Variants in PIP4K2A observed in about 807,000 individuals in gnomAD.
The protein encoded by PIP4K2A is phosphatidylinositol 5-phosphate 4-kinase type-2 alpha.
Under a neutral mutation model 42.9 loss-of-function variants are expected in PIP4K2A, and 14 were observed. The ratio of observed to expected loss-of-function variants is 0.33; its 90% CI spans 0.22 to 0.51. PIP4K2A has a LOEUF of 0.51. PIP4K2A is among the 20% of genes least tolerant of loss of function. The pLI is 0.97. For missense variants in PIP4K2A, 434 were observed against 519.8 expected, an observed-to-expected ratio of 0.83 and a Z score of 1.61; for synonymous variants, 192 against 192.2, an observed-to-expected ratio of 1.00 and a Z score of 0.01.
At chr10:22,589,944 G>A (rs1374744310) in intron 4 of PIP4K2A, among the ~76,000 whole-genome samples, 1 of 152,172 alleles carries the variant, frequency 6.6e-6, no homozygotes, top group African/African-American at 2.4e-5. Context: ...TGCTTACGTT[G>A]AAACCCTAAT....
At chr10:22,619,261 T>A (rs1459756112) in intron 1 of PIP4K2A, among the ~76,000 whole-genome samples, 1 of 151,942 alleles carries the variant, frequency 6.6e-6, no homozygotes, top group Non-Finnish European at 1.5e-5. Context: ...GCAAACCAAA[T>A]AGCAATTTGA....
chr10:22,635,828 G>C (rs1449725160), intron 1 of PIP4K2A, among the ~76,000 whole-genome samples: 1 of 152,146 alleles, frequency 6.6e-6, no homozygotes, highest in African/African-American at 2.4e-5. Flanking sequence ...TGCTTAAGAG[G>C]TTTCACGCCC....
chr10:22,654,835 T>A (rs1016389591), intron 1 of PIP4K2A, among the ~76,000 whole-genome samples: 1 of 152,212 alleles, frequency 6.6e-6, no homozygotes. Flanking sequence ...CTTTGAAACC[T>A]ATGAAAGGTT....
rs374123977 is a variant in PIP4K2A at position 22,703,563 on chromosome 10, T to G, written c.144+10620A>C. On this transcript the variant is annotated intron_variant, in intron 1 of 9. Coordinates refer to ENST00000376573, the MANE Select transcript of PIP4K2A (RefSeq NM_005028.5). ...GAATCATGAAGAGGGTGTTATGGGA[T>G]GAGGGCAAGGAGGAAAGTGGGGCCC... Among the ~76,000 whole-genome samples the G allele has an allele frequency of 1.2e-4, 19 of 152,210 alleles. 1 individual carries two copies. The highest frequency in any genetic ancestry group is 4.6e-4 in the African/African-American group (19 of 41,532).
chr10:22,615,377 T>C (rs1228893906), intron 1 of PIP4K2A, among the ~76,000 whole-genome samples: 1 of 152,208 alleles, frequency 6.6e-6, no homozygotes, highest in African/African-American at 2.4e-5. Flanking sequence ...GCATGAACCA[T>C]CCCACCTGTC....
chr10:22,615,060 A>C (rs964032702), intron 1 of PIP4K2A, among the ~76,000 whole-genome samples: 1 of 152,224 alleles, frequency 6.6e-6, no homozygotes, highest in African/African-American at 2.4e-5. Context: ...ATTCTATATG[A>C]TCTACCCTAA....
intron 9 of PIP4K2A, among the ~76,000 whole-genome samples, chr10:22,538,144 A>AACTT (rs1205194369): frequency 6.6e-6 from 1 of 152,146 alleles, no homozygotes; most frequent in Non-Finnish European, 1.5e-5. Context: ...TTCACCGGGG[A>AACTT]ACTTGTAATA....
chr10:22,566,219 G>A lies in PIP4K2A; in HGVS notation c.678+1632C>T, dbSNP rs181095313. 5.1e-3 allele frequency among the ~76,000 whole-genome samples: 779 copies of A among 152,120 alleles called. 9 individuals carry two copies. The highest frequency in any genetic ancestry group is 0.017 in the African/African-American group (704 of 41,470). On this transcript the variant is annotated intron_variant, in intron 6 of 9. Coordinates refer to ENST00000376573, the MANE Select transcript of PIP4K2A (RefSeq NM_005028.5). ...TGGGGCCATCACAGATCCTACCAAC[G>A]TGTGATGTCTCCCCTGGACGCCCAG...
intron 1 of PIP4K2A, among the ~76,000 whole-genome samples, chr10:22,656,188 T>C (rs558698227): frequency 6.6e-6 from 1 of 152,360 alleles, no homozygotes; most frequent in East Asian, 1.9e-4. Context: ...CTGACTCCCG[T>C]GTGAGGGACA....
intron 8 of PIP4K2A, 152 bp downstream of exon 8, chr10:22,541,652 A>C: frequency 2.3e-6 from 2 of 873,196 alleles, no homozygotes; most frequent in Non-Finnish European, 3.4e-6. Context: ...TAGCTTTAAC[A>C]TACTCTTGTC....
chr10:22,625,372 C>T (rs1329967831), intron 1 of PIP4K2A, among the ~76,000 whole-genome samples: 1 of 152,160 alleles, frequency 6.6e-6, no homozygotes, highest in Non-Finnish European at 1.5e-5. Context: ...CTTAATCTTA[C>T]CTTTTTCAGT....
At chr10:22,614,540 G>A (rs1303452510) in intron 1 of PIP4K2A, among the ~76,000 whole-genome samples, 1 of 152,088 alleles carries the variant, frequency 6.6e-6, no homozygotes, top group African/African-American at 2.4e-5. Flanking sequence ...TTCGTCAGGT[G>A]GTAGCTAGAT....
intron 1 of PIP4K2A, among the ~76,000 whole-genome samples, chr10:22,627,807 T>C (rs1002137275): frequency 2.0e-5 from 3 of 152,072 alleles, no homozygotes; most frequent in African/African-American, 4.8e-5. Context: ...TAATTTCTTA[T>C]GTAAAGACAG....
At chr10:22,578,605 T>C (rs555454965) in intron 4 of PIP4K2A, among the ~76,000 whole-genome samples, 2 of 150,824 alleles carry the variant, frequency 1.3e-5, no homozygotes, top group East Asian at 3.9e-4. Flanking sequence ...TCCTCTCATC[T>C]TCTCTTCTTC....
At chr10:22,620,178 G>A (rs1056695639) in intron 1 of PIP4K2A, among the ~76,000 whole-genome samples, 3 of 152,134 alleles carry the variant, frequency 2.0e-5, no homozygotes, top group African/African-American at 2.4e-5. Context: ...AGACTCTTAC[G>A]GACATCCTTG....
intron 4 of PIP4K2A, among the ~76,000 whole-genome samples, chr10:22,587,240 G>GA (rs1218116353): frequency 1.6e-3 from 239 of 147,908 alleles, no homozygotes; most frequent in African/African-American, 2.0e-3. Context: ...CAAAGGAAAA[G>GA]AAAAAAAAAA....
At chr10:22,615,334 T>A (rs1234074369) in intron 1 of PIP4K2A, among the ~76,000 whole-genome samples, 1 of 152,182 alleles carries the variant, frequency 6.6e-6, no homozygotes, top group African/African-American at 2.4e-5. Context: ...ACAGATCCTC[T>A]TGCCTCAGCC....
rs376533652 is a variant in PIP4K2A at position 22,704,366 on chromosome 10, G to A, written c.144+9817C>T. On this transcript the variant is annotated intron_variant, in intron 1 of 9. Transcript: ENST00000376573. ...GATGCTGACTTGAGCAGTTTCCTAG[G>A]TGTGCTGGAGGTGAAAGCTAGATTG... is the stretch of plus-strand genomic sequence containing the variant. 4.9e-4 allele frequency among the ~76,000 whole-genome samples: 74 copies of A among 152,216 alleles called. 1 individual carries two copies. In the East Asian group the frequency reaches 5.4e-3, roughly 11 times the overall value.
rs550148138 is a variant in PIP4K2A, at chr10:22,629,540, T to A, written c.145-19823A>T. 5.9e-4 allele frequency among the ~76,000 whole-genome samples: 90 copies of A among 152,312 alleles called. 2 individuals carry two copies. In the South Asian group the frequency reaches 0.018, roughly 31 times the overall value. On this transcript the variant is annotated intron_variant, in intron 1 of 9. Transcript: ENST00000376573. Reference sequence around the variant, plus strand: ...AATCAAGAGTGACTTTAAAGTAATATATAAACAACACTGAAGATAAATTTA... The same window carrying A: ...AATCAAGAGTGACTTTAAAGTAATAAATAAACAACACTGAAGATAAATTTA...
Sources: gnomAD v4.1 joint callset for allele counts (sites outside exome capture counted in the v4.1 genomes callset) on GRCh38, gnomAD v4.1.1 for gene constraint, MANE v1.5 for transcripts, NCBI Gene and HGNC (gene_info 2026-07-23, HGNC 2026-07-21) for gene names.